Variants in SERPINI1 observed in about 807,000 individuals in gnomAD.
SERPINI1 encodes the protein neuroserpin.
Under a neutral mutation model 41.1 loss-of-function variants are expected in SERPINI1, and 19 were observed. The ratio of observed to expected loss-of-function variants is 0.46; its 90% CI spans 0.32 to 0.68. SERPINI1 has a LOEUF of 0.68. Ranked by LOEUF, SERPINI1 falls within the 30% of genes least tolerant of loss-of-function variation. The pLI, the probability that SERPINI1 is intolerant of heterozygous loss-of-function variation, is 0.03. For synonymous variants in SERPINI1, 138 were observed against 156.6 expected, an observed-to-expected ratio of 0.88 and a Z score of 0.89; for missense variants, 460 against 479.2, an observed-to-expected ratio of 0.96 and a Z score of 0.37.
At chr3:167,750,666 C>T (rs1393637972) in intron 1 of SERPINI1, among the ~76,000 whole-genome samples, 1 of 152,064 alleles carries the variant, frequency 6.6e-6, no homozygotes, top group African/African-American at 2.4e-5. Context: ...TTATGACAAT[C>T]GTATGAGACA....
chr3:167,738,903 C>T (rs1725574433), intron 1 of SERPINI1, among the ~76,000 whole-genome samples: 1 of 151,648 alleles, frequency 6.6e-6, no homozygotes, highest in Non-Finnish European at 1.5e-5. Flanking sequence ...TATACACTAA[C>T]TTCTAAGTGA....
rs200606523 is a variant in SERPINI1, at chr3:167,790,362, C to G, written c.251-10C>G. ...TTCTACAAATAAACTTATCCTTTCT[C>G]ATCTTTCAGGTGAAGAATTTTCTTT... is the stretch of plus-strand genomic sequence containing the variant. On this transcript the variant is annotated splice_polypyrimidine_tract_variant and intron_variant, in intron 2 of 8. Coordinates refer to ENST00000446050, the MANE Select transcript of SERPINI1 (RefSeq NM_001122752.2). 1.7e-5 allele frequency: 27 copies of G among 1,564,726 alleles called. No individual in the cohort carries two copies. In the East Asian group the frequency reaches 5.6e-4, roughly 32 times the overall value.
chr3:167,786,203 T>A (rs944545769), intron 1 of SERPINI1, among the ~76,000 whole-genome samples: 2 of 152,096 alleles, frequency 1.3e-5, no homozygotes, highest in African/African-American at 2.4e-5. Flanking sequence ...GGACAAGATA[T>A]AAGACTTGGA....
At chr3:167,790,274 T>G (rs13090836) in intron 2 of SERPINI1, 98 bp from the exon 3 acceptor site, 1 of 863,742 alleles carries the variant, frequency 1.2e-6, no homozygotes, top group Non-Finnish European at 1.9e-6. Context: ...GGTGCCTGTT[T>G]GGTTAATCTC....
chr3:167,810,240 A>G (rs1039408133), intron 6 of SERPINI1, among the ~76,000 whole-genome samples: 6 of 152,086 alleles, frequency 3.9e-5, no homozygotes, highest in Non-Finnish European at 5.9e-5. Flanking sequence ...TCTCCAAATA[A>G]CATAACCTTG....
intron 1 of SERPINI1, among the ~76,000 whole-genome samples, chr3:167,779,453 G>A (rs1727053981): frequency 6.6e-6 from 1 of 152,084 alleles, no homozygotes; most frequent in South Asian, 2.1e-4. Context: ...ATAATCAATT[G>A]CATTCCACTA....
intron 5 of SERPINI1, among the ~76,000 whole-genome samples, chr3:167,804,019 A>G (rs929349754): frequency 6.6e-6 from 1 of 152,238 alleles, no homozygotes; most frequent in East Asian, 1.9e-4. Context: ...GCAAACGCAT[A>G]CACACATAAA....
Position 167,770,503 on chromosome 3 carries a change from T to C in SERPINI1, c.-18-18608T>C, listed in dbSNP as rs1726713825. On this transcript the variant is annotated intron_variant, in intron 1 of 8. Coordinates refer to ENST00000446050, the MANE Select transcript of SERPINI1 (RefSeq NM_001122752.2). ...CATTTTAGTATCTTATCACTGTTTT[T>C]ATTCCTCAAAATTTTCTTTGGTATT... Among the ~76,000 whole-genome samples the C allele has an allele frequency of 3.3e-5, 5 of 152,130 alleles. No individual in the cohort carries two copies. In the South Asian group the frequency reaches 1.0e-3, roughly 32 times the overall value.
chr3:167,793,353 C>T (rs41403449), intron 4 of SERPINI1, among the ~76,000 whole-genome samples: 19,170 of 151,852 alleles, frequency 0.13, 1,456 homozygotes, highest in African/African-American at 0.21. Context: ...TTCTTATCCA[C>T]TATATTGACT....
At chr3:167,778,290 C>T (rs1441323955) in intron 1 of SERPINI1, among the ~76,000 whole-genome samples, 2 of 152,208 alleles carry the variant, frequency 1.3e-5, no homozygotes, top group African/African-American at 4.8e-5. Context: ...TACACTAAGA[C>T]AACACTGTTG....
chr3:167,786,883 CACTT>C (rs1390778868), intron 1 of SERPINI1, among the ~76,000 whole-genome samples: 1 of 152,116 alleles, frequency 6.6e-6, no homozygotes, highest in Non-Finnish European at 1.5e-5. Flanking sequence ...CTTACTCACT[CACTT>C]ACCCAAAGAA....
intron 5 of SERPINI1, among the ~76,000 whole-genome samples, chr3:167,806,238 C>T (rs1405773609): frequency 1.3e-5 from 2 of 151,800 alleles, no homozygotes; most frequent in Non-Finnish European, 1.5e-5. Context: ...AACCAAGCAC[C>T]GGATGTTCTC....
At chr3:167,803,229 A>C (rs1211924984) in intron 5 of SERPINI1, among the ~76,000 whole-genome samples, 2 of 151,898 alleles carry the variant, frequency 1.3e-5, no homozygotes, top group Non-Finnish European at 1.5e-5. Context: ...ATACATATGT[A>C]ACTAACCTGC....
At chr3:167,749,303 G>A (rs1354329320) in intron 1 of SERPINI1, among the ~76,000 whole-genome samples, 1 of 150,652 alleles carries the variant, frequency 6.6e-6, no homozygotes, top group African/African-American at 2.5e-5. Context: ...TTTATTTTTT[G>A]GTTTGACTCC....
chr3:167,800,298 T>C (rs564167879), intron 5 of SERPINI1, among the ~76,000 whole-genome samples: 1 of 152,336 alleles, frequency 6.6e-6, no homozygotes, highest in Admixed American at 6.5e-5. Flanking sequence ...AGCACTTAAG[T>C]ATAAAATCTG....
At chr3:167,809,401 T>G (rs1711786602) in intron 6 of SERPINI1, among the ~76,000 whole-genome samples, 1 of 152,206 alleles carries the variant, frequency 6.6e-6, no homozygotes, top group South Asian at 2.1e-4. Flanking sequence ...GGAAGTTATT[T>G]CAAACAAATA....
chr3:167,821,872 A>C (rs1424330118), intron 6 of SERPINI1, among the ~76,000 whole-genome samples: 1 of 152,202 alleles, frequency 6.6e-6, no homozygotes, highest in Middle Eastern at 3.2e-3. Context: ...GATGCTCAAA[A>C]TCTTCAGGTA....
At chr3:167,754,289 C>T (rs1577400882) in intron 1 of SERPINI1, among the ~76,000 whole-genome samples, 1 of 152,292 alleles carries the variant, frequency 6.6e-6, no homozygotes, top group Middle Eastern at 3.4e-3. Flanking sequence ...ACATTACACA[C>T]AGCTAGACCC....
intron 1 of SERPINI1, among the ~76,000 whole-genome samples, chr3:167,737,237 C>T (rs1332772672): frequency 4.6e-5 from 7 of 152,034 alleles, no homozygotes; most frequent in Non-Finnish European, 5.9e-5. Flanking sequence ...ATACTCTTCC[C>T]TCCCACACTC....
Sources: allele counts gnomAD v4.1 joint callset (sites outside exome capture counted in the v4.1 genomes callset), GRCh38; gene constraint gnomAD v4.1.1; transcripts MANE v1.5; gene names NCBI Gene and HGNC (gene_info 2026-07-23, HGNC 2026-07-21).